MBOAT1: variants seen among roughly 807,000 people sequenced by gnomAD.
The protein encoded by MBOAT1 is membrane-bound glycerophospholipid O-acyltransferase 1.
Under a neutral mutation model 64.4 loss-of-function variants are expected in MBOAT1, and 67 were observed. That is an observed-to-expected ratio of 1.04 (90% CI 0.85 to 1.27). MBOAT1 has a LOEUF of 1.27. Ranked by LOEUF, MBOAT1 falls within the 50% of genes most tolerant of loss-of-function variation. The pLI, the probability that MBOAT1 is intolerant of heterozygous loss-of-function variation, is 0.00. For synonymous variants in MBOAT1, 229 were observed against 218.9 expected, an observed-to-expected ratio of 1.05 and a Z score of -0.41; for missense variants, 563 against 604.6, an observed-to-expected ratio of 0.93 and a Z score of 0.72.
chr6:20,125,814 G>C (rs986225577), intron 7 of MBOAT1: 4 of 393,200 alleles, frequency 1.0e-5, no homozygotes, highest in Non-Finnish European at 2.0e-5. Flanking sequence ...TCTTTGCCAA[G>C]GCGTTAGCAG....
At chr6:20,198,888 A>G (rs1317148049) in intron 1 of MBOAT1, among the ~76,000 whole-genome samples, 1 of 152,246 alleles carries the variant, frequency 6.6e-6, no homozygotes, top group Non-Finnish European at 1.5e-5. Context: ...TTTAGCCTAA[A>G]GTTGCCTCCT....
At chr6:20,172,343 C>A (rs895901753) in intron 1 of MBOAT1, among the ~76,000 whole-genome samples, 15 of 152,120 alleles carry the variant, frequency 9.9e-5, no homozygotes, top group African/African-American at 3.4e-4. Context: ...GGATGAGACT[C>A]TCTTGAATCC....
intron 6 of MBOAT1, among the ~76,000 whole-genome samples, chr6:20,127,938 A>G (rs1451963840): frequency 6.6e-6 from 1 of 152,082 alleles, no homozygotes; most frequent in African/African-American, 2.4e-5. Context: ...TGCTTAGGAA[A>G]GGGCTGATTC....
intron 1 of MBOAT1, among the ~76,000 whole-genome samples, chr6:20,170,044 G>A (rs981832738): frequency 4.6e-5 from 7 of 152,072 alleles, no homozygotes; most frequent in African/African-American, 1.4e-4. Context: ...TTGAGTCCCT[G>A]GCACCACATT....
intron 8 of MBOAT1, among the ~76,000 whole-genome samples, chr6:20,119,784 A>G (rs1215361379): frequency 6.6e-6 from 1 of 152,188 alleles, no homozygotes; most frequent in East Asian, 1.9e-4. Context: ...TAATGGTTTT[A>G]ATTGTGTGGG....
At chr6:20,112,430 AT>A (rs1231971846) in intron 11 of MBOAT1, among the ~76,000 whole-genome samples, 1 of 152,148 alleles carries the variant, frequency 6.6e-6, no homozygotes, top group East Asian at 1.9e-4. Flanking sequence ...CGTGGCCGCT[AT>A]TTCATTGACT....
chr6:20,130,969 G>A (rs1207715923), intron 5 of MBOAT1, among the ~76,000 whole-genome samples, 175 bp downstream of exon 5: 1 of 152,196 alleles, frequency 6.6e-6, no homozygotes, highest in South Asian at 2.1e-4. Flanking sequence ...GGAAAATGGT[G>A]AATCATGGCT....
At chr6:20,156,195 T>C (rs1339033287) in intron 1 of MBOAT1, among the ~76,000 whole-genome samples, 1 of 147,130 alleles carries the variant, frequency 6.8e-6, no homozygotes, top group African/African-American at 2.5e-5. Context: ...GGCGCGAACC[T>C]GGGAGGCAGA....
chr6:20,110,879 T>C (rs538888096), intron 11 of MBOAT1, among the ~76,000 whole-genome samples: 2 of 152,330 alleles, frequency 1.3e-5, no homozygotes, highest in South Asian at 4.1e-4. Flanking sequence ...TATATCCTTG[T>C]AAATAAATCT....
intron 10 of MBOAT1, among the ~76,000 whole-genome samples, chr6:20,113,606 A>G (rs1397748597): frequency 6.6e-6 from 1 of 152,112 alleles, no homozygotes; most frequent in African/African-American, 2.4e-5. Flanking sequence ...ACTTCAATCC[A>G]TGAATCTGCC....
intron 12 of MBOAT1, among the ~76,000 whole-genome samples, chr6:20,108,824 C>T (rs1298456510): frequency 6.6e-6 from 1 of 152,218 alleles, no homozygotes; most frequent in Non-Finnish European, 1.5e-5. Flanking sequence ...AAAGACGGTG[C>T]TCTGAGGTGA....
intron 9 of MBOAT1, among the ~76,000 whole-genome samples, chr6:20,117,564 C>T (rs995371268): frequency 1.3e-5 from 2 of 152,220 alleles, no homozygotes; most frequent in African/African-American, 4.8e-5. Flanking sequence ...GGGGGCTTCC[C>T]CCATGCCTCC....
chr6:20,212,295 C>G lies in MBOAT1; in HGVS notation c.-61G>C. 1 of 1,507,844 alleles carries G rather than the reference C, an allele frequency of 6.6e-7. No individual in the cohort carries two copies. The highest frequency in any genetic ancestry group is 1.2e-5 in the South Asian group (1 of 84,782). 93.4% of individuals were successfully genotyped at this position (1,507,844 alleles called of 1,614,324 possible). A position where few individuals can be genotyped will look rare whatever the true frequency, so the allele number is the denominator to read the frequency against. ...CCCGCAACACCCCCTGCTCGGCGTC[C>G]TCCCGCCCGGGTGCTCTTGGGTGGT... On this transcript the variant is annotated 5_prime_UTR_variant, in exon 1 of 13. Transcript: ENST00000324607.
chr6:20,161,686 A>G (rs540397186), intron 1 of MBOAT1, among the ~76,000 whole-genome samples: 1 of 152,352 alleles, frequency 6.6e-6, no homozygotes, highest in Non-Finnish European at 1.5e-5. Flanking sequence ...GGTTAAGTGC[A>G]TGGAGCAAGT....
chr6:20,151,402 G>A (rs1335234793), intron 2 of MBOAT1, 140 bp from the exon 3 acceptor site: 1 of 579,574 alleles, frequency 1.7e-6, no homozygotes, highest in Non-Finnish European at 3.0e-6. Flanking sequence ...GTTTATGTGA[G>A]AGAAAATAAG....
chr6:20,149,781 A>G (rs1413417881), intron 3 of MBOAT1, among the ~76,000 whole-genome samples: 1 of 152,250 alleles, frequency 6.6e-6, no homozygotes, highest in Non-Finnish European at 1.5e-5. Flanking sequence ...AAGTAACTAA[A>G]AGATCATACA....
chr6:20,146,616 A>G (rs1177124572), intron 3 of MBOAT1, among the ~76,000 whole-genome samples: 5 of 152,198 alleles, frequency 3.3e-5, no homozygotes, highest in Non-Finnish European at 5.9e-5. Flanking sequence ...AGAAACGCAA[A>G]GCAGACTCAA....
chr6:20,186,386 A>G (rs72826614), intron 1 of MBOAT1, among the ~76,000 whole-genome samples: 11,743 of 152,270 alleles, frequency 0.077, 487 homozygotes, highest in African/African-American at 0.12. Flanking sequence ...TCTCCACTCT[A>G]CAGCCCCAGC....
chr6:20,102,958 T>C lies in MBOAT1; in HGVS notation c.1362-546A>G, dbSNP rs370127940. Among the ~76,000 whole-genome samples, 13 of 152,338 alleles carry C rather than the reference T, an allele frequency of 8.5e-5. No individual in the cohort carries two copies. In the East Asian group the frequency reaches 2.3e-3, roughly 27 times the overall value. ...GGAGTAAACAATAGTATGCTGCCAG[T>C]TGAATAAAAGGCCAGCACATACTAT... On this transcript the variant is annotated intron_variant, in intron 12 of 12. Transcript: ENST00000324607.
Sources: allele counts gnomAD v4.1 joint callset (sites outside exome capture counted in the v4.1 genomes callset), GRCh38; gene constraint gnomAD v4.1.1; transcripts MANE v1.5; gene names NCBI Gene and HGNC (gene_info 2026-07-23, HGNC 2026-07-21).